ERBB4: variants seen among roughly 807,000 people sequenced by gnomAD.
The protein encoded by ERBB4 is erb-b2 receptor tyrosine kinase 4.
In ERBB4, 42 loss-of-function variants were observed where a neutral mutation model predicts 158.0. That is an observed-to-expected ratio of 0.27 (90% CI 0.21 to 0.34). ERBB4 has a LOEUF of 0.34. Among genes scored for constraint, ERBB4 ranks in the 10% least tolerant of loss-of-function variants. The pLI is 1.00. For synonymous variants in ERBB4, 583 were observed against 558.7 expected (o/e 1.04, Z -0.61); for missense variants, 1,333 against 1,624.1 (o/e 0.82, Z 3.08).
At chr2:211,544,555 T>C (rs2066893922) in intron 20 of ERBB4, among the ~76,000 whole-genome samples, 2 of 152,030 alleles carry the variant, frequency 1.3e-5, no homozygotes, top group African/African-American at 4.8e-5. Flanking sequence ...AGGACCTCTT[T>C]AAGTCCCAGT....
At chr2:211,795,401 C>T (rs2105875285) in intron 3 of ERBB4, among the ~76,000 whole-genome samples, 1 of 151,790 alleles carries the variant, frequency 6.6e-6, no homozygotes, top group Non-Finnish European at 1.5e-5. Flanking sequence ...TTTTAAATTG[C>T]TAATTATTTA....
In ERBB4 at chr2:212,442,393, A is replaced by G. The variant is rs377498707; in HGVS notation, c.82+96056T>C. ...CCACTACATTACTGACAATTTATGC[A>G]GTGCATCTTTCTCCCATCCTTCCCC... is the stretch of plus-strand genomic sequence containing the variant. On this transcript the variant is annotated intron_variant, in intron 1 of 27. Coordinates refer to ENST00000342788, the MANE Select transcript of ERBB4 (RefSeq NM_005235.3). Among the ~76,000 whole-genome samples the G allele has an allele frequency of 4.3e-4, 65 of 152,272 alleles. No individual in the cohort carries two copies. In the East Asian group the frequency reaches 8.5e-3, roughly 20 times the overall value.
intron 1 of ERBB4, among the ~76,000 whole-genome samples, chr2:212,315,851 T>C (rs1475635591): frequency 3.3e-5 from 5 of 151,476 alleles, no homozygotes; most frequent in African/African-American, 9.7e-5. Context: ...AGAGAGCCAA[T>C]TATTTTCTAA....
At chr2:211,780,592 A>G (rs1295477286) in intron 4 of ERBB4, among the ~76,000 whole-genome samples, 1 of 152,164 alleles carries the variant, frequency 6.6e-6, no homozygotes, top group Non-Finnish European at 1.5e-5. Flanking sequence ...AAGGCCTTCT[A>G]TGGTGTGGGT....
At chr2:212,360,873 A>G (rs1034285865) in intron 1 of ERBB4, among the ~76,000 whole-genome samples, 18 of 151,686 alleles carry the variant, frequency 1.2e-4, no homozygotes, top group African/African-American at 3.4e-4. Flanking sequence ...TCAGGATGAA[A>G]CAGAGATGTC....
At chr2:211,929,261 G>C (rs932012739) in intron 3 of ERBB4, among the ~76,000 whole-genome samples, 9 of 131,628 alleles carry the variant, frequency 6.8e-5, no homozygotes, top group Non-Finnish European at 1.6e-4. Flanking sequence ...GTGTGTGTGT[G>C]TGTGACAGAG....
chr2:212,126,794 T>C (rs188393326), intron 1 of ERBB4, among the ~76,000 whole-genome samples: 7 of 152,274 alleles, frequency 4.6e-5, no homozygotes, highest in African/African-American at 1.7e-4. Context: ...ATGCCTGATG[T>C]TGTTTTCAAA....
At chr2:211,763,930 C>T (rs912205710) in intron 4 of ERBB4, among the ~76,000 whole-genome samples, 1 of 73,064 alleles carries the variant, frequency 1.4e-5, no homozygotes, top group African/African-American at 5.0e-5. Flanking sequence ...ATGTATATGT[C>T]CAAGTCCTTT....
chr2:211,523,658 C>T (rs2066252980), intron 20 of ERBB4, among the ~76,000 whole-genome samples: 1 of 151,908 alleles, frequency 6.6e-6, no homozygotes, highest in Non-Finnish European at 1.5e-5. Context: ...CGTGGTCCCG[C>T]CGGCTTCAGG....
At chr2:211,682,050 TCACACACACACACACACACA>T in intron 12 of ERBB4, among the ~76,000 whole-genome samples, 2 of 134,490 alleles carry the variant, frequency 1.5e-5, no homozygotes, top group East Asian at 4.2e-4. Flanking sequence ...TTTATACACA[TCACACACACACACACACACA>T]CACACACACA....
intron 7 of ERBB4, among the ~76,000 whole-genome samples, chr2:211,717,359 G>A (rs1248604694): frequency 6.6e-6 from 1 of 152,130 alleles, no homozygotes; most frequent in Non-Finnish European, 1.5e-5. Context: ...TATTTAAGAT[G>A]CAAAATCTTT....
chr2:211,577,834 G>GACAA (rs2067938014), intron 19 of ERBB4, among the ~76,000 whole-genome samples: 2 of 152,208 alleles, frequency 1.3e-5, no homozygotes, highest in South Asian at 2.1e-4. Context: ...AGACATTTAT[G>GACAA]ACAAACTCAC....
chr2:212,351,416 T>C (rs1372898914), intron 1 of ERBB4, among the ~76,000 whole-genome samples: 1 of 152,180 alleles, frequency 6.6e-6, no homozygotes, highest in Non-Finnish European at 1.5e-5. Flanking sequence ...TATGGCAGCT[T>C]TAGCAAACTA....
chr2:211,536,419 T>C (rs139500719), intron 20 of ERBB4, among the ~76,000 whole-genome samples: 3 of 152,134 alleles, frequency 2.0e-5, no homozygotes, highest in Non-Finnish European at 4.4e-5. Flanking sequence ...ACTGTGGACA[T>C]TACTCCGGCT....
intron 1 of ERBB4, among the ~76,000 whole-genome samples, chr2:212,412,241 T>C (rs1352721567): frequency 6.6e-6 from 1 of 152,212 alleles, no homozygotes; most frequent in Non-Finnish European, 1.5e-5. Context: ...TTTTGTTCTC[T>C]CTGTGATATG....
At chr2:212,326,191 T>A (rs1410418090) in intron 1 of ERBB4, among the ~76,000 whole-genome samples, 2 of 150,660 alleles carry the variant, frequency 1.3e-5, no homozygotes, top group Non-Finnish European at 3.0e-5. Flanking sequence ...ACACTTCAGG[T>A]CAAAAAGCAA....
chr2:212,486,317 A>ATAACCT (rs57017535), intron 1 of ERBB4, among the ~76,000 whole-genome samples: 76,714 of 151,410 alleles, frequency 0.51, 21,231 homozygotes, highest in African/African-American at 0.74. Context: ...AAAAAGGCAG[A>ATAACCT]TAATGCAAGA....
intron 1 of ERBB4, among the ~76,000 whole-genome samples, chr2:212,251,301 C>T (rs556007835): frequency 1.6e-4 from 25 of 151,948 alleles, no homozygotes; most frequent in Non-Finnish European, 3.1e-4. Context: ...TGTATACATT[C>T]ATTTATTTAT....
At chr2:211,590,816 C>A (rs1487243353) in intron 19 of ERBB4, among the ~76,000 whole-genome samples, 3 of 152,156 alleles carry the variant, frequency 2.0e-5, no homozygotes, top group Non-Finnish European at 2.9e-5. Flanking sequence ...TGGGTGCTTA[C>A]AAATTGGGTA....
Sources: gnomAD v4.1 joint callset for allele counts (sites outside exome capture counted in the v4.1 genomes callset) on GRCh38, gnomAD v4.1.1 for gene constraint, MANE v1.5 for transcripts, NCBI Gene and HGNC (gene_info 2026-07-23, HGNC 2026-07-21) for gene names.